The following SPRED2 variants were observed in gnomAD, a reference collection of about 807,000 sequenced individuals.
The protein encoded by SPRED2 is sprouty-related, EVH1 domain-containing protein 2.
Under a neutral mutation model 43.0 loss-of-function variants are expected in SPRED2, and 47 were observed. The observed-to-expected ratio is 1.09, with a 90% CI of 0.87 to 1.40. The LOEUF is 1.40. Among genes scored for constraint, SPRED2 ranks in the 40% most tolerant of loss-of-function variants. SPRED2 has a pLI of 0.00. For missense variants in SPRED2, 561 were observed against 586.4 expected, an observed-to-expected ratio of 0.96 and a Z score of 0.45; for synonymous variants, 225 against 225.7, an observed-to-expected ratio of 1.00 and a Z score of 0.03.
chr2:65,335,771 T>C (rs925899214), intron 2 of SPRED2, among the ~76,000 whole-genome samples: 2 of 152,232 alleles, frequency 1.3e-5, no homozygotes, highest in African/African-American at 4.8e-5. Flanking sequence ...ATTTATTTAA[T>C]ATTATAGAAA....
intron 1 of SPRED2, among the ~76,000 whole-genome samples, chr2:65,420,200 ACT>A (rs1156762319): frequency 2.7e-4 from 36 of 135,560 alleles, no homozygotes; most frequent in African/African-American, 8.2e-4. Flanking sequence ...ACAGAGCAAG[ACT>A]CTGTCTCAAA....
intron 5 of SPRED2, among the ~76,000 whole-genome samples, chr2:65,314,487 G>A (rs1308107252): frequency 6.6e-6 from 1 of 152,196 alleles, no homozygotes; most frequent in East Asian, 1.9e-4. Flanking sequence ...CAAGGGCACA[G>A]TGTGATGCGT....
chr2:65,405,865 C>G (rs533349922), intron 1 of SPRED2, among the ~76,000 whole-genome samples: 5 of 152,160 alleles, frequency 3.3e-5, no homozygotes, highest in African/African-American at 1.2e-4. Flanking sequence ...TGAGAAGACC[C>G]GGACTTCTTT....
intron 4 of SPRED2, among the ~76,000 whole-genome samples, chr2:65,323,127 T>TG (rs1673482864): frequency 6.6e-6 from 1 of 152,190 alleles, no homozygotes; most frequent in Admixed American, 6.5e-5. Context: ...CCTGAGTAGC[T>TG]GGACCACAGG....
intron 4 of SPRED2, among the ~76,000 whole-genome samples, chr2:65,326,201 A>G (rs1305252164): frequency 1.3e-5 from 2 of 152,174 alleles, no homozygotes; most frequent in Non-Finnish European, 2.9e-5. Flanking sequence ...CATTTTATAT[A>G]TAAGTATTTA....
In SPRED2 at chr2:65,311,782, A is replaced by G. The variant is rs76451598; in HGVS notation, c.*1719T>C. ...CACTGGGTATTTACACCGGTAATCTACTAAAGAAAATCGATGAGCTTGTGG... is the reference window on the plus strand; with the variant it reads ...CACTGGGTATTTACACCGGTAATCTGCTAAAGAAAATCGATGAGCTTGTGG... On this transcript the variant is annotated 3_prime_UTR_variant, in exon 6 of 6. Transcript: ENST00000356388. The G allele has an allele frequency of 5.0e-3, 4,944 of 985,442 alleles. 211 individuals carry two copies. The African/African-American group carries it at 0.082, about 16-fold the overall frequency. 61.0% of individuals were successfully genotyped at this position (985,442 alleles called of 1,614,324 possible). A position where few individuals can be genotyped will look rare whatever the true frequency, so the allele number is the denominator to read the frequency against.
At chr2:65,322,262 C>A (rs1303767215) in intron 4 of SPRED2, among the ~76,000 whole-genome samples, 60 of 70,658 alleles carry the variant, frequency 8.5e-4, no homozygotes, top group African/African-American at 1.5e-3. Context: ...CTCTCTCTCT[C>A]TCTCTCTCTA....
intron 1 of SPRED2, among the ~76,000 whole-genome samples, chr2:65,421,702 C>T (rs1260027740): frequency 6.6e-6 from 1 of 151,908 alleles, no homozygotes; most frequent in African/African-American, 2.4e-5. Flanking sequence ...TGGATTGGCA[C>T]TGGCTCCCTA....
intron 2 of SPRED2, among the ~76,000 whole-genome samples, chr2:65,335,225 ACTCTTTTT>A (rs1268957816): frequency 6.9e-6 from 1 of 144,020 alleles, no homozygotes; most frequent in Admixed American, 6.9e-5. Context: ...ATCCCTCTCC[ACTCTTTTT>A]CTCTGGCTCA....
chr2:65,318,595 C>T (rs1673315392), intron 4 of SPRED2, among the ~76,000 whole-genome samples: 1 of 152,082 alleles, frequency 6.6e-6, no homozygotes, highest in Non-Finnish European at 1.5e-5. Context: ...TGCAAATCTA[C>T]AGGAACTTTC....
At chr2:65,340,484 C>A (rs1674145386) in intron 2 of SPRED2, among the ~76,000 whole-genome samples, 1 of 152,232 alleles carries the variant, frequency 6.6e-6, no homozygotes, top group African/African-American at 2.4e-5. Flanking sequence ...CTGGAATGAT[C>A]AAACTCTTAG....
intron 1 of SPRED2, among the ~76,000 whole-genome samples, chr2:65,413,685 A>G (rs1410934792): frequency 2.0e-5 from 3 of 151,978 alleles, no homozygotes; most frequent in Non-Finnish European, 4.4e-5. Flanking sequence ...CAGTGTGGTA[A>G]GACAGGGCAT....
chr2:65,367,007 G>A (rs1674996371), intron 1 of SPRED2, among the ~76,000 whole-genome samples: 1 of 152,160 alleles, frequency 6.6e-6, no homozygotes, highest in South Asian at 2.1e-4. Flanking sequence ...TTACATTCTG[G>A]AGAACCACAA....
intron 5 of SPRED2, among the ~76,000 whole-genome samples, chr2:65,315,280 C>T (rs1408634157): frequency 6.6e-6 from 1 of 151,246 alleles, no homozygotes; most frequent in East Asian, 1.9e-4. Context: ...GACTCAGGTT[C>T]CATTTCTGTC....
At position 65,311,577 on chromosome 2, in the gene SPRED2, G is replaced by A. The variant is rs748785118; in HGVS notation, c.*1924C>T. On this transcript the variant is annotated 3_prime_UTR_variant, in exon 6 of 6. Transcript: ENST00000356388. ...AGGAAGTGCCTCCGGGTCGGGGGAA[G>A]GTGGTCTCTCGACAGCACTGGAGGC... is the stretch of plus-strand genomic sequence containing the variant. 39 of 985,762 alleles carry A rather than the reference G, an allele frequency of 4.0e-5. No homozygotes were observed. Among genetic ancestry groups the A allele is most frequent in the Non-Finnish European group, 4.5e-5 (37 of 829,956 alleles). 61.1% of individuals were successfully genotyped at this position (985,762 alleles called of 1,614,324 possible).
Position 65,332,005 on chromosome 2 carries a change from G to T in SPRED2, c.420C>A (p.Gly140=). The T allele has an allele frequency of 6.2e-7, 1 of 1,608,776 alleles. No homozygotes were observed. The highest frequency in any genetic ancestry group is 2.2e-5 in the East Asian group (1 of 44,732). The change falls in exon 4 of 6, where the codon GGC becomes GGA. Residue 140 remains glycine (G), a synonymous_variant. Transcript: ENST00000356388. The stretch of plus-strand genomic sequence containing the variant: ...AACTTACTGTAAAAACGTCATCATC[G>T]CCAAGCTCAGCTTCATTATGGATGG... The part of the protein sequence containing the change: ...SSTIHNEAEL[G]DDDVFTTATD...
intron 1 of SPRED2, among the ~76,000 whole-genome samples, chr2:65,364,100 T>C (rs1674899766): frequency 6.6e-6 from 1 of 152,180 alleles, no homozygotes; most frequent in South Asian, 2.1e-4. Context: ...TCTTTCTTGA[T>C]TTCCATCCAA....
intron 2 of SPRED2, among the ~76,000 whole-genome samples, chr2:65,342,391 T>C (rs114908787): frequency 0.059 from 8,694 of 147,910 alleles, 886 homozygotes; most frequent in African/African-American, 0.2. Context: ...ATTTTGTATA[T>C]GTATATATGT....
chr2:65,408,983 T>C (rs769817614), intron 1 of SPRED2, among the ~76,000 whole-genome samples: 47 of 152,202 alleles, frequency 3.1e-4, no homozygotes, highest in Non-Finnish European at 6.6e-4. Flanking sequence ...TACCTGTAGA[T>C]ATCTCAAAAG....
Sources: allele counts gnomAD v4.1 joint callset (sites outside exome capture counted in the v4.1 genomes callset), GRCh38; gene constraint gnomAD v4.1.1; transcripts MANE v1.5; gene names NCBI Gene and HGNC (gene_info 2026-07-23, HGNC 2026-07-21).